SMYD2: variants seen among roughly 807,000 people sequenced by gnomAD.
SMYD2 encodes the protein N-lysine methyltransferase SMYD2.
A neutral mutation model predicts 59.1 loss-of-function variants in SMYD2; 53 were observed. That is an observed-to-expected ratio of 0.90 (90% CI 0.72 to 1.13). The LOEUF is 1.13. SMYD2 is among the 50% of genes most tolerant of loss of function. The pLI is 0.00. For missense variants in SMYD2, 494 were observed against 544.7 expected (o/e 0.91, Z 0.93); for synonymous variants, 208 against 198.8 (o/e 1.05, Z -0.39).
chr1:214,332,305 C>T lies in SMYD2; in HGVS notation c.1112+113C>T, dbSNP rs188291928. On this transcript the variant is annotated intron_variant, in intron 10 of 11. Coordinates refer to ENST00000366957, the MANE Select transcript of SMYD2 (RefSeq NM_020197.3). The stretch of plus-strand genomic sequence containing the variant: ...TGAGACTTGCCTAGCGCAGCTGCCT[C>T]TTCTCTGCACCCACATCTGGAGGTG... 206 of 1,233,154 alleles carry T rather than the reference C, an allele frequency of 1.7e-4. No individual in the cohort carries two copies. The African/African-American group carries it at 2.9e-3, about 18-fold the overall frequency. 76.4% of individuals were successfully genotyped at this position (1,233,154 alleles called of 1,614,324 possible).
At chr1:214,323,221 C>A (rs1408233169) in intron 5 of SMYD2, among the ~76,000 whole-genome samples, 1 of 152,122 alleles carries the variant, frequency 6.6e-6, no homozygotes, top group Non-Finnish European at 1.5e-5. Context: ...GTCTGATTTT[C>A]TTTGAGGCCA....
At position 214,318,510 on chromosome 1, in the gene SMYD2, C is replaced by T. The variant is rs751086123; in HGVS notation, c.410-349C>T. 6.6e-6 allele frequency among the ~76,000 whole-genome samples: 1 copy of T among 152,150 alleles called. No homozygotes were observed. The highest frequency in any genetic ancestry group is 1.9e-4 in the East Asian group (1 of 5,180). On this transcript the variant is annotated intron_variant, in intron 4 of 11. Coordinates refer to ENST00000366957, the MANE Select transcript of SMYD2 (RefSeq NM_020197.3). The surrounding 1 kb of genome is among the most constrained non-coding windows in gnomAD (Gnocchi z 5.4). Reference sequence around the variant, plus strand: ...CAGGGGTTGTCCAGTTGTTTGACCACGGCCCAGATTCCCGGGCCAATTGGG... The same window carrying T: ...CAGGGGTTGTCCAGTTGTTTGACCATGGCCCAGATTCCCGGGCCAATTGGG...
chr1:214,308,694 C>T (rs1656952447), intron 2 of SMYD2, among the ~76,000 whole-genome samples: 2 of 152,118 alleles, frequency 1.3e-5, no homozygotes, highest in African/African-American at 2.4e-5. Flanking sequence ...GTCAGTGCCA[C>T]ACAGCAGATG....
chr1:214,306,062 C>T (rs1571925198), intron 2 of SMYD2, among the ~76,000 whole-genome samples: 1 of 152,146 alleles, frequency 6.6e-6, no homozygotes, highest in Non-Finnish European at 1.5e-5. Context: ...TGTTTGATCT[C>T]TCTGGACACC....
At chr1:214,299,482 T>TATATATATATATATATATATATACAC (rs751839365) in intron 1 of SMYD2, among the ~76,000 whole-genome samples, 1 of 45,864 alleles carries the variant, frequency 2.2e-5, no homozygotes, top group African/African-American at 6.7e-5. Context: ...TATATATATA[T>TATATATATATATATATATATATACAC]ACACCATAGA....
intron 5 of SMYD2, among the ~76,000 whole-genome samples, chr1:214,320,797 C>G (rs1173449232): frequency 1.3e-5 from 2 of 152,154 alleles, no homozygotes; most frequent in Non-Finnish European, 2.9e-5. Flanking sequence ...GAAAAGGTGG[C>G]TTCAAGTTTT....
intron 6 of SMYD2, among the ~76,000 whole-genome samples, chr1:214,326,511 C>T (rs920526658): frequency 1.3e-5 from 2 of 152,094 alleles, no homozygotes; most frequent in Admixed American, 6.6e-5. Flanking sequence ...GCATCACTTT[C>T]CAGGAAGCCA....
chr1:214,287,038 A>G (rs941360113), intron 1 of SMYD2, among the ~76,000 whole-genome samples: 1 of 151,720 alleles, frequency 6.6e-6, no homozygotes, highest in African/African-American at 2.4e-5. Context: ...CATGTTGGCC[A>G]GGCTGGTCTT....
intron 7 of SMYD2, among the ~76,000 whole-genome samples, chr1:214,328,916 G>C (rs1241108697): frequency 2.0e-5 from 3 of 152,194 alleles, no homozygotes; most frequent in Admixed American, 1.3e-4. Context: ...CCAGGCTCCA[G>C]TGCACCTGTG....
intron 10 of SMYD2, 96 bp from the exon 11 acceptor site, chr1:214,334,104 C>A: frequency 9.0e-7 from 1 of 1,114,024 alleles, no homozygotes; most frequent in Non-Finnish European, 1.3e-6. Flanking sequence ...CAGAGGTTGG[C>A]CCTAAGCATG....
chr1:214,336,838 G>T lies in SMYD2; in HGVS notation c.*54G>T. ...AACACTTAGTTCAGAAACCTTAAAG[G>T]ATTTGAATATTTCAAATTGCACACG... On this transcript the variant is annotated 3_prime_UTR_variant, in exon 12 of 12. Coordinates refer to ENST00000366957, the MANE Select transcript of SMYD2 (RefSeq NM_020197.3). The T allele has an allele frequency of 4.0e-6, 6 of 1,485,644 alleles. No individual in the cohort carries two copies. Among genetic ancestry groups the T allele is most frequent in the Non-Finnish European group, 5.6e-6 (6 of 1,079,518 alleles). The allele number at this position is 1,485,644 out of a possible 1,614,324, so 92.0% of individuals were successfully genotyped here.
At chr1:214,301,964 T>C (rs957096528) in intron 1 of SMYD2, among the ~76,000 whole-genome samples, 1 of 152,168 alleles carries the variant, frequency 6.6e-6, no homozygotes, top group Non-Finnish European at 1.5e-5. Flanking sequence ...CGAGATTTAG[T>C]AAAGTTAATA....
chr1:214,281,422 C>T lies in SMYD2; in HGVS notation c.168C>T (p.Phe56=). 1.4e-6 allele frequency: 2 copies of T among 1,437,636 alleles called. No homozygotes were observed. The highest frequency in any genetic ancestry group is 1.8e-6 in the Non-Finnish European group (2 of 1,090,320). 89.1% of individuals were successfully genotyped at this position (1,437,636 alleles called of 1,614,324 possible). ...GGGGCAACCACTGCGAGTACTGCTT[C>T]ACCAGGTAGGGCGGCGGCGGCGGCG... The part of the protein sequence containing the change: ...NERGNHCEYC[F]TRKEGLSKCG... Residue 56 remains phenylalanine, a synonymous_variant, in exon 1 of 12, where the codon TTC becomes TTT. Transcript: ENST00000366957.
chr1:214,286,247 C>T (rs1353374719), intron 1 of SMYD2, among the ~76,000 whole-genome samples: 2 of 152,158 alleles, frequency 1.3e-5, no homozygotes, highest in African/African-American at 4.8e-5. Context: ...GGGAGGATCG[C>T]TTGAAGCCAA....
intron 1 of SMYD2, among the ~76,000 whole-genome samples, chr1:214,285,502 G>T (rs897366007): frequency 6.6e-6 from 1 of 152,154 alleles, no homozygotes; most frequent in Non-Finnish European, 1.5e-5. Context: ...TAAAAAAATT[G>T]AATACATGCT....
At position 214,315,000 on chromosome 1, in the gene SMYD2, C is replaced by A. The variant is rs1379127597; in HGVS notation, c.348+128C>A. On this transcript the variant is annotated intron_variant, in intron 3 of 11. Coordinates refer to ENST00000366957, the MANE Select transcript of SMYD2 (RefSeq NM_020197.3). ...CCTTAGACTACATTTCCTATCATAT[C>A]CATATGGACAGGGGTGGGGAAAATA... The A allele has an allele frequency of 4.2e-6, 3 of 708,426 alleles. No homozygotes were observed. In the Admixed American group the frequency reaches 7.5e-5, roughly 18 times the overall value. 43.9% of individuals were successfully genotyped at this position (708,426 alleles called of 1,614,324 possible).
At chr1:214,284,812 G>A (rs1358198593) in intron 1 of SMYD2, among the ~76,000 whole-genome samples, 1 of 152,182 alleles carries the variant, frequency 6.6e-6, no homozygotes, top group Admixed American at 6.5e-5. Flanking sequence ...CACCGTGCCT[G>A]GCCTAGACAT....
rs183532608 is a variant in SMYD2 at position 214,300,627 on chromosome 1, G to A, written c.174-4560G>A. Among the ~76,000 whole-genome samples, 141 of 152,272 alleles carry A rather than the reference G, an allele frequency of 9.3e-4. 1 individual carries two copies. The highest frequency in any genetic ancestry group is 6.8e-3 in the Middle Eastern group (2 of 294). On this transcript the variant is annotated intron_variant, in intron 1 of 11. Transcript: ENST00000366957. Reference sequence around the variant, plus strand: ...TGTTACTATTAGCTTATCCACTCACGTAGAGAGACTATTTTTGCTGCGTGG... The same window carrying A: ...TGTTACTATTAGCTTATCCACTCACATAGAGAGACTATTTTTGCTGCGTGG...
rs200752340 is a variant in SMYD2 at position 214,331,008 on chromosome 1, G to A, written c.875G>A (p.Arg292Gln). The change falls in exon 9 of 12, where the codon CGA (arginine) becomes CAA (glutamine). Residue 292 changes from arginine to glutamine, a missense_variant. Arg to Gln is a conservative substitution (Grantham distance 43). Transcript: ENST00000366957. Reference sequence around the variant, plus strand: ...GATCCCCCAAAGGCAGAAGCCATCCGAGACATGGTCAGATATGCACGCAAC... The same window carrying A: ...GATCCCCCAAAGGCAGAAGCCATCCAAGACATGGTCAGATATGCACGCAAC... ...LSDPPKAEAI[R>Q]DMVRYARNVI... is the part of the protein sequence containing the mutation. 1.4e-4 allele frequency: 219 copies of A among 1,614,224 alleles called. No homozygotes were observed. Among genetic ancestry groups the A allele is most frequent in the Middle Eastern group, 9.9e-4 (6 of 6,060 alleles).
Sources: allele counts gnomAD v4.1 joint callset (sites outside exome capture counted in the v4.1 genomes callset), GRCh38; gene constraint gnomAD v4.1.1; non-coding constraint Gnocchi (gnomAD v3.1); transcripts MANE v1.5; gene names NCBI Gene and HGNC (gene_info 2026-07-23, HGNC 2026-07-21).